The following CSNK1G3 variants were observed in gnomAD, a reference collection of about 807,000 sequenced individuals.
The protein encoded by CSNK1G3 is casein kinase 1 gamma 3.
A neutral mutation model predicts 64.3 loss-of-function variants in CSNK1G3; 23 were observed. That is an observed-to-expected ratio of 0.36 (90% confidence interval 0.26 to 0.51). CSNK1G3 has a LOEUF of 0.51. Among genes scored for constraint, CSNK1G3 ranks in the 20% least tolerant of loss-of-function variants. The pLI is 0.96. For synonymous variants in CSNK1G3, 158 were observed against 162.2 expected (o/e 0.97, Z 0.20); for missense variants, 357 against 510.5 (o/e 0.70, Z 2.90).
chr5:123,550,298 A>G (rs775802830), intron 2 of CSNK1G3, among the ~76,000 whole-genome samples: 3 of 152,212 alleles, frequency 2.0e-5, no homozygotes, highest in Non-Finnish European at 2.9e-5. Context: ...GTCTCTGTGC[A>G]CAAGGTAATT....
intron 1 of CSNK1G3, among the ~76,000 whole-genome samples, chr5:123,539,811 A>G (rs1291050239): frequency 1.3e-5 from 2 of 152,044 alleles, no homozygotes; most frequent in South Asian, 2.1e-4. Context: ...TTTTTAATAG[A>G]TTAAGTTTTA....
chr5:123,567,560 C>T (rs541226879), intron 4 of CSNK1G3, among the ~76,000 whole-genome samples: 2 of 152,094 alleles, frequency 1.3e-5, no homozygotes, highest in East Asian at 1.9e-4. Context: ...AAGCTGAGAT[C>T]GCACAACTGT....
At chr5:123,557,930 C>G (rs1471260953) in intron 4 of CSNK1G3, among the ~76,000 whole-genome samples, 1 of 152,116 alleles carries the variant, frequency 6.6e-6, no homozygotes, top group East Asian at 1.9e-4. Flanking sequence ...TCCCTAGAAC[C>G]TCTACATGTT....
At chr5:123,550,288 G>A (rs992664171) in intron 2 of CSNK1G3, among the ~76,000 whole-genome samples, 1 of 152,138 alleles carries the variant, frequency 6.6e-6, no homozygotes, top group Non-Finnish European at 1.5e-5. Context: ...TGTGACTTCC[G>A]TCTCTGTGCA....
chr5:123,553,597 G>T (rs1023464538), intron 3 of CSNK1G3, among the ~76,000 whole-genome samples: 1 of 152,128 alleles, frequency 6.6e-6, no homozygotes, highest in African/African-American at 2.4e-5. Context: ...GGCAAAGCTG[G>T]CTATTGCTTG....
intron 1 of CSNK1G3, among the ~76,000 whole-genome samples, chr5:123,528,166 G>T (rs116080283): frequency 0.02 from 3,003 of 152,128 alleles, 101 homozygotes; most frequent in African/African-American, 0.069. Flanking sequence ...TGCATTTTGT[G>T]ACCTCCTTTA....
intron 10 of CSNK1G3, among the ~76,000 whole-genome samples, chr5:123,602,273 T>C (rs1794631181): frequency 6.6e-6 from 1 of 152,204 alleles, no homozygotes; most frequent in East Asian, 1.9e-4. Flanking sequence ...ACTGAATTTC[T>C]ACAATTCCTA....
intron 12 of CSNK1G3, 66 bp downstream of exon 13, chr5:123,605,428 T>C (rs978156337): frequency 1.9e-6 from 3 of 1,544,568 alleles, no homozygotes; most frequent in African/African-American, 2.8e-5. Flanking sequence ...TTTAGCATCA[T>C]TTTGTGTCTT....
At chr5:123,569,722 CTCTT>C (rs1231893610) in intron 4 of CSNK1G3, among the ~76,000 whole-genome samples, 8 of 152,198 alleles carry the variant, frequency 5.3e-5, no homozygotes, top group Non-Finnish European at 7.4e-5. Flanking sequence ...AAGTAAGAGT[CTCTT>C]CATTCATTCT....
intron 12 of CSNK1G3, among the ~76,000 whole-genome samples, chr5:123,605,825 T>C (rs895372862): frequency 6.6e-6 from 1 of 152,148 alleles, no homozygotes; most frequent in Non-Finnish European, 1.5e-5. Context: ...ACAATATTGA[T>C]AAATTTCATG....
Position 123,574,502 on chromosome 5 carries a change from A to C in CSNK1G3, c.438+961A>C, listed in dbSNP as rs182451114. ...AATTAATATCCAGAGGAAAATATGC[A>C]GCTGTTAAAAAGTGCATATTAAAGA... On this transcript the variant is annotated intron_variant, in intron 5 of 12. Transcript: ENST00000345990. Among the ~76,000 whole-genome samples, 4 of 152,246 alleles carry C rather than the reference A, an allele frequency of 2.6e-5. No individual in the cohort carries two copies. In the East Asian group the frequency reaches 5.8e-4, roughly 22 times the overall value.
intron 6 of CSNK1G3, among the ~76,000 whole-genome samples, chr5:123,585,609 A>G (rs527377801): frequency 1.8e-4 from 28 of 152,350 alleles, no homozygotes; most frequent in African/African-American, 6.0e-4. Flanking sequence ...ACAAGGAACT[A>G]TTACAACTTT....
chr5:123,586,223 G>A (rs1208222086), intron 6 of CSNK1G3, among the ~76,000 whole-genome samples: 2 of 152,156 alleles, frequency 1.3e-5, no homozygotes, highest in African/African-American at 2.4e-5. Context: ...CTGTAGTGAT[G>A]AAGGCAGATA....
intron 6 of CSNK1G3, among the ~76,000 whole-genome samples, chr5:123,576,444 G>A (rs759466878): frequency 1.3e-5 from 2 of 152,156 alleles, no homozygotes; most frequent in Non-Finnish European, 2.9e-5. Flanking sequence ...CTATGACTTC[G>A]GACAAGTTTA....
chr5:123,514,132 T>C (rs1776726582), intron 1 of CSNK1G3, among the ~76,000 whole-genome samples: 1 of 152,250 alleles, frequency 6.6e-6, no homozygotes, highest in Non-Finnish European at 1.5e-5. Context: ...CTGGCATTTC[T>C]GAATATGCAT....
chr5:123,587,176 C>T (rs926178775), intron 6 of CSNK1G3, among the ~76,000 whole-genome samples: 1 of 152,188 alleles, frequency 6.6e-6, no homozygotes, highest in East Asian at 1.9e-4. Flanking sequence ...ACCCTTCATC[C>T]TAGTTCAGAG....
At chr5:123,570,732 G>T (rs1279746383) in intron 4 of CSNK1G3, among the ~76,000 whole-genome samples, 4 of 152,114 alleles carry the variant, frequency 2.6e-5, no homozygotes, top group African/African-American at 9.7e-5. Flanking sequence ...GCTTTGATCT[G>T]GTTTCCATGC....
chr5:123,565,155 T>C (rs1318122494), intron 4 of CSNK1G3, among the ~76,000 whole-genome samples: 1 of 152,248 alleles, frequency 6.6e-6, no homozygotes, highest in Non-Finnish European at 1.5e-5. Flanking sequence ...TTTGCAAATG[T>C]CTTTAATGTC....
At chr5:123,576,522 G>C (rs566204486) in intron 6 of CSNK1G3, among the ~76,000 whole-genome samples, 1 of 152,074 alleles carries the variant, frequency 6.6e-6, no homozygotes, top group African/African-American at 2.4e-5. Context: ...ATTTTTTATA[G>C]CATTCTTCCT....
Sources: allele counts gnomAD v4.1 joint callset (sites outside exome capture counted in the v4.1 genomes callset), GRCh38; gene constraint gnomAD v4.1.1; transcripts MANE v1.5; gene names NCBI Gene and HGNC (gene_info 2026-07-23, HGNC 2026-07-21).